The following USP34 variants were observed in gnomAD, a reference collection of about 807,000 sequenced individuals.
USP34 encodes ubiquitin specific peptidase 34, also known as ubiquitin carboxyl-terminal hydrolase 34.
A neutral mutation model predicts 460.3 loss-of-function variants in USP34; 70 were observed. The ratio of observed to expected loss-of-function variants is 0.15; its 90% CI spans 0.13 to 0.19. The LOEUF (loss-of-function observed/expected upper bound fraction) is 0.19. Ranked by LOEUF, USP34 falls within the 10% of genes least tolerant of loss-of-function variation. USP34 has a pLI of 1.00. For missense variants in USP34, 3,985 were observed against 4,236.2 expected (o/e 0.94, Z 1.65); for synonymous variants, 1,647 against 1,405.3 (o/e 1.17, Z -3.85).
chr2:61,277,237 CTTTT>C (rs11351343), intron 41 of USP34, among the ~76,000 whole-genome samples: 8 of 138,156 alleles, frequency 5.8e-5, no homozygotes, highest in South Asian at 4.7e-4. Context: ...TATAGGTTAC[CTTTT>C]TTTTTTTTTT....
Position 61,350,382 on chromosome 2 carries a change from T to C in USP34, c.1385A>G (p.Tyr462Cys). ...TGCTTTAATTAACATGGATGCCAAGTACAGTGTCTAAAAAAAAGAGGGAGA... is the reference window on the plus strand; with the variant it reads ...TGCTTTAATTAACATGGATGCCAAGCACAGTGTCTAAAAAAAAGAGGGAGA... ...EPSVHTEQTLYLASMLIKALW... is the reference protein window; with the variant it reads ...EPSVHTEQTLCLASMLIKALW... The change falls in exon 12 of 80, where the codon TAC (tyrosine) becomes TGC (cysteine). Residue 462 changes from tyrosine (Y) to cysteine (C), a missense_variant. Physicochemically the swap from Tyr to Cys is radical, Grantham distance 194. Transcript: ENST00000398571. The C allele has an allele frequency of 1.2e-6, 2 of 1,607,004 alleles. No individual in the cohort carries two copies. The highest frequency in any genetic ancestry group is 1.7e-6 in the Non-Finnish European group (2 of 1,177,676).
intron 37 of USP34, 146 bp from the exon 38 acceptor site, chr2:61,281,388 G>A: frequency 1.9e-6 from 2 of 1,042,020 alleles, no homozygotes; most frequent in Non-Finnish European, 2.7e-6. Flanking sequence ...CAGGCAGGAG[G>A]ATAACCTGTG....
At position 61,229,465 on chromosome 2, in the gene USP34, A is replaced by C. The variant is rs1212032054; in HGVS notation, c.7199+83T>G. ...GAAGAAACCCTATCTCTTAAAAAAA[A>C]AAAAAAAAAACAAAAAAAAAAAACA... On this transcript the variant is annotated intron_variant, in intron 59 of 79. Transcript: ENST00000398571. 1.8e-4 allele frequency: 115 copies of C among 633,196 alleles called. 1 individual carries two copies. Among genetic ancestry groups the C allele is most frequent in the Middle Eastern group, 3.7e-4 (1 of 2,700 alleles). 39.2% of individuals were successfully genotyped at this position (633,196 alleles called of 1,614,324 possible). A position where few individuals can be genotyped will look rare whatever the true frequency, so the allele number is the denominator to read the frequency against.
intron 1 of USP34, among the ~76,000 whole-genome samples, chr2:61,440,423 C>T (rs1329713968): frequency 6.6e-6 from 1 of 152,138 alleles, no homozygotes; most frequent in East Asian, 1.9e-4. Context: ...TTGCGGCTTC[C>T]TGTTCCTCCA....
chr2:61,399,941 G>A (rs1447487002), intron 3 of USP34, among the ~76,000 whole-genome samples: 1 of 147,818 alleles, frequency 6.8e-6, no homozygotes, highest in Non-Finnish European at 1.5e-5. Context: ...TAATCGCTGA[G>A]AAAGGCTTTA....
Position 61,214,008 on chromosome 2 carries a change from G to C in USP34, c.8682+52C>G, listed in dbSNP as rs940513254. 45 of 1,600,710 alleles carry C rather than the reference G, an allele frequency of 2.8e-5. 1 individual carries two copies. In the Admixed American group the frequency reaches 3.6e-4, roughly 13 times the overall value. On this transcript the variant is annotated intron_variant, in intron 68 of 79. Coordinates refer to ENST00000398571, the MANE Select transcript of USP34 (RefSeq NM_014709.4). ...CCACTTCCCACCAGGGGAAAAACAG[G>C]TATTTCCAATCTATTTGAGGATACA...
At chr2:61,267,415 G>C (rs1157260979) in intron 41 of USP34, among the ~76,000 whole-genome samples, 2 of 151,598 alleles carry the variant, frequency 1.3e-5, no homozygotes, top group Non-Finnish European at 2.9e-5. Context: ...GTTAAGTTTA[G>C]CTAGGAAATA....
intron 10 of USP34, among the ~76,000 whole-genome samples, chr2:61,356,978 A>T (rs1406212153): frequency 6.6e-6 from 1 of 152,250 alleles, no homozygotes; most frequent in African/African-American, 2.4e-5. Context: ...GAATGGAAGA[A>T]ATAGAGAAAT....
At chr2:61,300,913 G>C (rs758511482) in intron 29 of USP34, 38 bp downstream of exon 29, 84 of 1,424,312 alleles carry the variant, frequency 5.9e-5, no homozygotes, top group Non-Finnish European at 7.6e-5. Context: ...TCTCAACAGA[G>C]ACACAAAACA....
At position 61,223,371 on chromosome 2, in the gene USP34, A is replaced by G; in HGVS notation, c.7596-75T>C. ...TTACAGCGATTTACAACATGTATCA[A>G]AAATTGTTGATTCAATTATAATTGT... On this transcript the variant is annotated intron_variant, in intron 62 of 79. Coordinates refer to ENST00000398571, the MANE Select transcript of USP34 (RefSeq NM_014709.4). The G allele has an allele frequency of 5.0e-6, 7 of 1,399,932 alleles. No homozygotes were observed. In the South Asian group the frequency reaches 7.5e-5, roughly 15 times the overall value. 86.7% of individuals were successfully genotyped at this position (1,399,932 alleles called of 1,614,324 possible).
At chr2:61,194,343 G>T in intron 75 of USP34, 1 of 973,112 alleles carries the variant, frequency 1.0e-6, no homozygotes. Context: ...ACAAGGACAT[G>T]TCATCACATC....
At chr2:61,241,709 A>G (rs1572863850) in intron 52 of USP34, 54 bp from the exon 53 acceptor site, 1 of 1,521,102 alleles carries the variant, frequency 6.6e-7, no homozygotes, top group East Asian at 2.3e-5. Context: ...ATTACTCTAA[A>G]AGTAGACAAT....
chr2:61,357,517 C>G (rs1248149580), intron 10 of USP34, among the ~76,000 whole-genome samples: 1 of 151,762 alleles, frequency 6.6e-6, no homozygotes. Flanking sequence ...AACTTTACAA[C>G]TTAGGGAAGG....
chr2:61,247,146 C>G, intron 49 of USP34, among the ~76,000 whole-genome samples: 1 of 151,900 alleles, frequency 6.6e-6, no homozygotes. Context: ...ATAAAAGATA[C>G]TGAGGAAAAA....
Position 61,470,815 on chromosome 2 carries a change from G to A in USP34, c.-123C>T. 1 of 647,472 alleles carries A rather than the reference G, an allele frequency of 1.5e-6. No individual in the cohort carries two copies. The highest frequency in any genetic ancestry group is 2.6e-6 in the Non-Finnish European group (1 of 391,582). 40.1% of individuals were successfully genotyped at this position (647,472 alleles called of 1,614,324 possible). ...GGCCGGCGGGGCGGGGAGGCGACTA[G>A]GGCGGGCGGCGGCGGGGACGGGGCG... On this transcript the variant is annotated 5_prime_UTR_variant, in exon 1 of 80. Coordinates refer to ENST00000398571, the MANE Select transcript of USP34 (RefSeq NM_014709.4).
chr2:61,327,039 G>A (rs1248897665), intron 20 of USP34, among the ~76,000 whole-genome samples: 1 of 151,874 alleles, frequency 6.6e-6, no homozygotes, highest in African/African-American at 2.4e-5. Flanking sequence ...ACCCACCTTG[G>A]CCTCCCAAAG....
chr2:61,442,276 T>C (rs1312181251), intron 1 of USP34, among the ~76,000 whole-genome samples: 1 of 151,916 alleles, frequency 6.6e-6, no homozygotes, highest in African/African-American at 2.4e-5. Flanking sequence ...CTACAAAACT[T>C]CTGTATAGCA....
At chr2:61,217,955 G>A (rs1033720172) in intron 67 of USP34, among the ~76,000 whole-genome samples, 1 of 151,708 alleles carries the variant, frequency 6.6e-6, no homozygotes, top group African/African-American at 2.4e-5. Context: ...ACTCCATCTC[G>A]AAAGAAAATA....
intron 48 of USP34, chr2:61,250,592 A>T (rs1298169715): frequency 6.3e-6 from 1 of 157,798 alleles, no homozygotes; most frequent in Non-Finnish European, 1.4e-5. Context: ...AATGTCTATT[A>T]AAAGGTGGCT....
Sources: gnomAD v4.1 joint callset for allele counts (sites outside exome capture counted in the v4.1 genomes callset) on GRCh38, gnomAD v4.1.1 for gene constraint, MANE v1.5 for transcripts, NCBI Gene and HGNC (gene_info 2026-07-23, HGNC 2026-07-21) for gene names.